PIP5K1B: variants seen among roughly 807,000 people sequenced by gnomAD.
PIP5K1B encodes phosphatidylinositol-4-phosphate 5-kinase type 1 beta.
A neutral mutation model predicts 67.0 loss-of-function variants in PIP5K1B; 42 were observed. That is an observed-to-expected ratio of 0.63 (90% CI 0.49 to 0.81). The LOEUF is 0.81. Ranked by LOEUF, PIP5K1B falls within the 30% of genes least tolerant of loss-of-function variation. The pLI is 0.00. For missense variants in PIP5K1B, 459 were observed against 646.3 expected, an observed-to-expected ratio of 0.71 and a Z score of 3.14; for synonymous variants, 214 against 231.4, an observed-to-expected ratio of 0.92 and a Z score of 0.68.
intron 14 of PIP5K1B, among the ~76,000 whole-genome samples, chr9:68,973,952 A>G (rs1161727200): frequency 6.6e-6 from 1 of 152,170 alleles, no homozygotes; most frequent in East Asian, 1.9e-4. Context: ...ATCTTGGCTC[A>G]CTGCAACCTT....
intron 14 of PIP5K1B, among the ~76,000 whole-genome samples, chr9:68,952,851 C>T (rs1458629845): frequency 1.3e-5 from 2 of 148,722 alleles, no homozygotes; most frequent in Admixed American, 6.8e-5. Context: ...TCCTTTCTTC[C>T]TTCCTTTCTT....
At chr9:68,724,226 G>GT (rs931802319) in intron 1 of PIP5K1B, among the ~76,000 whole-genome samples, 4 of 114,502 alleles carry the variant, frequency 3.5e-5, no homozygotes, top group Non-Finnish European at 6.9e-5. Flanking sequence ...ATGTGTCTGT[G>GT]TTTTTTTTGG....
At chr9:68,748,077 A>G (rs1413156664) in intron 2 of PIP5K1B, among the ~76,000 whole-genome samples, 1 of 152,164 alleles carries the variant, frequency 6.6e-6, no homozygotes, top group Non-Finnish European at 1.5e-5. Context: ...GTAACCCCTA[A>G]TCTGCTTTCT....
intron 2 of PIP5K1B, among the ~76,000 whole-genome samples, chr9:68,805,230 G>T (rs1462467862): frequency 1.3e-5 from 2 of 152,222 alleles, no homozygotes; most frequent in African/African-American, 4.8e-5. Flanking sequence ...GGCCCTGTGT[G>T]TAGAGGCTCC....
chr9:68,763,101 C>G (rs927055705), intron 2 of PIP5K1B, among the ~76,000 whole-genome samples: 1 of 151,948 alleles, frequency 6.6e-6, no homozygotes, highest in Non-Finnish European at 1.5e-5. Flanking sequence ...TAGGATGGAC[C>G]GGGATATCTG....
intron 6 of PIP5K1B, among the ~76,000 whole-genome samples, chr9:68,886,211 G>A (rs1393675752): frequency 1.3e-5 from 2 of 151,904 alleles, no homozygotes; most frequent in African/African-American, 4.8e-5. Context: ...AAGATGATGT[G>A]GTTCTTTAAG....
intron 2 of PIP5K1B, among the ~76,000 whole-genome samples, chr9:68,810,401 C>T (rs1210450146): frequency 6.6e-6 from 1 of 151,228 alleles, no homozygotes; most frequent in African/African-American, 2.4e-5. Context: ...CCCAGGCCTT[C>T]GGAGGCCTAT....
intron 2 of PIP5K1B, among the ~76,000 whole-genome samples, chr9:68,775,311 C>T (rs761595955): frequency 1.3e-5 from 2 of 152,238 alleles, no homozygotes; most frequent in African/African-American, 2.4e-5. Context: ...TTGTTCTTAC[C>T]ACAGATCTTA....
At chr9:68,765,516 ATT>A (rs1321644577) in intron 2 of PIP5K1B, among the ~76,000 whole-genome samples, 1 of 152,052 alleles carries the variant, frequency 6.6e-6, no homozygotes, top group African/African-American at 2.4e-5. Context: ...TGCCAGAGCT[ATT>A]TTTAAATGTA....
At chr9:68,987,180 A>G (rs552487497) in intron 14 of PIP5K1B, among the ~76,000 whole-genome samples, 1 of 152,038 alleles carries the variant, frequency 6.6e-6, no homozygotes, top group South Asian at 2.1e-4. Flanking sequence ...TGAACCCAGG[A>G]GGCGGAGGTT....
At chr9:68,719,286 T>G (rs1482658924) in intron 1 of PIP5K1B, among the ~76,000 whole-genome samples, 1 of 152,238 alleles carries the variant, frequency 6.6e-6, no homozygotes, top group Non-Finnish European at 1.5e-5. Context: ...GATGAGTATT[T>G]TGGTAACAGC....
intron 1 of PIP5K1B, among the ~76,000 whole-genome samples, chr9:68,732,123 T>C (rs910588955): frequency 6.6e-6 from 1 of 152,192 alleles, no homozygotes; most frequent in African/African-American, 2.4e-5. Context: ...TACTGTGATG[T>C]TGGAATAGGG....
intron 6 of PIP5K1B, among the ~76,000 whole-genome samples, chr9:68,885,904 AG>A (rs1279378547): frequency 2.0e-5 from 3 of 152,232 alleles, no homozygotes; most frequent in Admixed American, 1.3e-4. Context: ...AAATTTGGCC[AG>A]GTGCGGTGGC....
intron 4 of PIP5K1B, among the ~76,000 whole-genome samples, chr9:68,862,503 C>T (rs960125869): frequency 6.6e-6 from 1 of 151,984 alleles, no homozygotes; most frequent in Non-Finnish European, 1.5e-5. Flanking sequence ...ATAAGAAAAG[C>T]TGGAAGTGGG....
rs147189820 is a variant in PIP5K1B at position 68,951,683 on chromosome 9, C to A, written c.1502+10893C>A. Among the ~76,000 whole-genome samples, 23 of 152,188 alleles carry A rather than the reference C, an allele frequency of 1.5e-4. No individual in the cohort carries two copies. The East Asian group carries it at 4.0e-3, about 27-fold the overall frequency. ...GAACTTTGGCCATCATGTCATCCAG[C>A]CCTTTTATTTATTAAAAAAGGTATT... On this transcript the variant is annotated intron_variant, in intron 14 of 15. Coordinates refer to ENST00000265382, the MANE Select transcript of PIP5K1B (RefSeq NM_003558.4).
At chr9:68,857,959 T>TTGTTGTTGTTGTTGTTGTTG (rs1822867352) in intron 4 of PIP5K1B, among the ~76,000 whole-genome samples, 2 of 149,306 alleles carry the variant, frequency 1.3e-5, no homozygotes, top group Non-Finnish European at 3.0e-5. Context: ...CTCTTGCTGT[T>TTGTTGTTGTTGTTGTTGTTG]TTGTTGTTGT....
At chr9:68,953,805 TAA>T (rs71353095) in intron 14 of PIP5K1B, among the ~76,000 whole-genome samples, 2,351 of 108,496 alleles carry the variant, frequency 0.022, 57 homozygotes, top group African/African-American at 0.064. Context: ...GACTCTGTCT[TAA>T]AAAAAAAAAA....
rs151158103 is a variant in PIP5K1B at position 68,956,659 on chromosome 9, T to C, written c.1502+15869T>C. ...CATATTCATATGTTGCTAGAGAATG[T>C]ATGATATCTTATAAATCTCATCACT... On this transcript the variant is annotated intron_variant, in intron 14 of 15. Transcript: ENST00000265382. 6.4e-4 allele frequency among the ~76,000 whole-genome samples: 98 copies of C among 152,344 alleles called. No individual in the cohort carries two copies. In the East Asian group the frequency reaches 0.011, roughly 17 times the overall value.
chr9:68,780,870 G>GGT, intron 2 of PIP5K1B: 1 of 1,614,208 alleles, frequency 6.2e-7, no homozygotes, highest in Non-Finnish European at 8.5e-7. Context: ...GTCAGATCCT[G>GGT]GTGTGTGTGT....
Sources: gnomAD v4.1 joint callset for allele counts (sites outside exome capture counted in the v4.1 genomes callset) on GRCh38, gnomAD v4.1.1 for gene constraint, MANE v1.5 for transcripts, NCBI Gene and HGNC (gene_info 2026-07-23, HGNC 2026-07-21) for gene names.